The following MAGI1 variants were observed in gnomAD, a reference collection of about 807,000 sequenced individuals.
The protein encoded by MAGI1 is membrane-associated guanylate kinase, WW and PDZ domain-containing protein 1.
In MAGI1, 58 loss-of-function variants were observed where a neutral mutation model predicts 139.9. The observed-to-expected ratio is 0.41, with a 90% CI of 0.34 to 0.52. The LOEUF is 0.52. MAGI1 is among the 20% of genes least tolerant of loss of function. The pLI is 0.12. For missense variants in MAGI1, 1,874 were observed against 1,901.6 expected, an observed-to-expected ratio of 0.99 and a Z score of 0.27; for synonymous variants, 812 against 737.9, an observed-to-expected ratio of 1.10 and a Z score of -1.63.
Position 65,355,977 on chromosome 3 carries a change from AAATT to A in MAGI1, c.*397_*400del, listed in dbSNP as rs1374805150. On this transcript the variant is annotated 3_prime_UTR_variant, in exon 23 of 23. Coordinates refer to ENST00000402939, the MANE Select transcript of MAGI1 (RefSeq NM_001033057.2). ...ACATCACTACATGACAGTCTATATCAAATTAATTAAACTTAATCAATAAATTCCC... is the reference window on the plus strand; with the variant it reads ...ACATCACTACATGACAGTCTATATCAAATTAAACTTAATCAATAAATTCCC... The A allele has an allele frequency of 1.9e-5, 3 of 159,734 alleles. No individual in the cohort carries two copies. The highest frequency in any genetic ancestry group is 6.3e-5 in the Admixed American group (1 of 15,778). 9.9% of individuals were successfully genotyped at this position (159,734 alleles called of 1,614,324 possible).
intron 2 of MAGI1, among the ~76,000 whole-genome samples, chr3:65,494,733 C>T (rs1952301533): frequency 6.6e-6 from 1 of 152,210 alleles, no homozygotes; most frequent in Non-Finnish European, 1.5e-5. Context: ...CCTAGTGGCG[C>T]TGAAGTTCTT....
At chr3:65,408,145 T>C (rs1945505108) in intron 12 of MAGI1, among the ~76,000 whole-genome samples, 2 of 152,318 alleles carry the variant, frequency 1.3e-5, no homozygotes, top group South Asian at 4.1e-4. Flanking sequence ...TTAAGTTAAA[T>C]CATCCTTGTC....
At chr3:65,857,234 G>T (rs1178897457) in intron 1 of MAGI1, among the ~76,000 whole-genome samples, 1 of 152,164 alleles carries the variant, frequency 6.6e-6, no homozygotes, top group Non-Finnish European at 1.5e-5. Flanking sequence ...GTTTCCTGGA[G>T]AAAAGAAACA....
chr3:65,394,586 A>G (rs976466997), intron 13 of MAGI1, among the ~76,000 whole-genome samples: 6 of 152,054 alleles, frequency 3.9e-5, no homozygotes, highest in African/African-American at 1.4e-4. Flanking sequence ...AATTATGAAA[A>G]CTCATTAATT....
chr3:65,516,676 T>A (rs940336965), intron 2 of MAGI1, among the ~76,000 whole-genome samples: 3 of 147,920 alleles, frequency 2.0e-5, no homozygotes, highest in Non-Finnish European at 4.5e-5. Flanking sequence ...TAAGCCCACT[T>A]TTCAAATGAG....
chr3:65,682,035 C>T (rs1344358790), intron 1 of MAGI1, among the ~76,000 whole-genome samples: 1 of 152,184 alleles, frequency 6.6e-6, no homozygotes, highest in East Asian at 1.9e-4. Context: ...AAAATAACAT[C>T]ATTCACATCC....
chr3:65,970,496 G>T (rs2064969523), intron 1 of MAGI1, among the ~76,000 whole-genome samples: 1 of 148,420 alleles, frequency 6.7e-6, no homozygotes, highest in African/African-American at 2.5e-5. Context: ...GGTAAATTTT[G>T]TGTCAGGTAT....
intron 2 of MAGI1, among the ~76,000 whole-genome samples, chr3:65,607,943 A>T (rs2082837424): frequency 6.6e-6 from 1 of 152,244 alleles, no homozygotes; most frequent in Non-Finnish European, 1.5e-5. Context: ...TAATTTAAGA[A>T]TAGGTTTAAA....
At chr3:65,473,770 C>A (rs942109892) in intron 4 of MAGI1, among the ~76,000 whole-genome samples, 5 of 150,844 alleles carry the variant, frequency 3.3e-5, no homozygotes, top group Non-Finnish European at 7.4e-5. Context: ...CCTTCAGCAA[C>A]GAGATCTTAC....
intron 1 of MAGI1, among the ~76,000 whole-genome samples, chr3:65,866,219 C>CTT (rs11371904): frequency 7.5e-5 from 8 of 106,290 alleles, no homozygotes; most frequent in African/African-American, 3.0e-4. Flanking sequence ...CAATTTTTTT[C>CTT]TTTTTTTTTT....
At position 65,387,033 on chromosome 3, in the gene MAGI1, C is replaced by T. The variant is rs1036635519; in HGVS notation, c.2417-3410G>A. On this transcript the variant is annotated intron_variant, in intron 14 of 22. Transcript: ENST00000402939. ...CTCCAAAGCACTTCCCTTCATGCCC[C>T]TTTTTTCTTCCCTCTCTTTTCTGAA... 6.4e-6 allele frequency: 6 copies of T among 938,900 alleles called. No individual in the cohort carries two copies. In the African/African-American group the frequency reaches 8.2e-5, roughly 13 times the overall value. The allele number at this position is 938,900 out of a possible 1,614,324, so 58.2% of individuals were successfully genotyped here.
intron 1 of MAGI1, among the ~76,000 whole-genome samples, chr3:65,649,104 T>C (rs1171315945): frequency 6.6e-6 from 1 of 152,042 alleles, no homozygotes; most frequent in Non-Finnish European, 1.5e-5. Context: ...GTGTGAAAAA[T>C]GAAGTACACC....
chr3:65,630,855 C>T (rs1374311033), intron 1 of MAGI1, among the ~76,000 whole-genome samples: 4 of 152,192 alleles, frequency 2.6e-5, no homozygotes, highest in Non-Finnish European at 5.9e-5. Flanking sequence ...CCAAACACTA[C>T]TGAAATTTTT....
intron 1 of MAGI1, among the ~76,000 whole-genome samples, chr3:66,027,400 C>T (rs1442983431): frequency 6.6e-6 from 1 of 152,150 alleles, no homozygotes. Flanking sequence ...GACTCCTTGG[C>T]TCAAGCAATC....
intron 1 of MAGI1, among the ~76,000 whole-genome samples, chr3:65,885,255 G>A (rs866097793): frequency 8.6e-5 from 13 of 151,908 alleles, no homozygotes; most frequent in African/African-American, 1.9e-4. Context: ...AAATTAGCCC[G>A]GTGTGGTGGT....
chr3:65,794,844 G>GA lies in MAGI1; in HGVS notation c.314-172757dup, dbSNP rs10581418. 3.6e-3 allele frequency among the ~76,000 whole-genome samples: 470 copies of GA among 131,756 alleles called. 1 individual carries two copies. The highest frequency in any genetic ancestry group is 9.0e-3 in the South Asian group (38 of 4,224). 86.4% of individuals were successfully genotyped at this position (131,756 alleles called of 152,430 possible). On this transcript the variant is annotated intron_variant, in intron 1 of 22. Coordinates refer to ENST00000402939, the MANE Select transcript of MAGI1 (RefSeq NM_001033057.2). ...ACACAACAAAACAAACCCTCATCAG[G>GA]AAAAAAAAAAAAAAAACCCACAAAC...
At chr3:65,771,480 T>C (rs1397545885) in intron 1 of MAGI1, among the ~76,000 whole-genome samples, 1 of 152,196 alleles carries the variant, frequency 6.6e-6, no homozygotes, top group Non-Finnish European at 1.5e-5. Context: ...GATATTTTAT[T>C]TCATCATAAA....
At chr3:66,025,366 C>G (rs1320801459) in intron 1 of MAGI1, among the ~76,000 whole-genome samples, 2 of 143,816 alleles carry the variant, frequency 1.4e-5, no homozygotes, top group Admixed American at 1.4e-4. Flanking sequence ...CAGTGAAACC[C>G]TGTCTCTACC....
At chr3:66,004,890 C>T (rs1463793030) in intron 1 of MAGI1, among the ~76,000 whole-genome samples, 1 of 152,126 alleles carries the variant, frequency 6.6e-6, no homozygotes, top group Non-Finnish European at 1.5e-5. Context: ...GCCTTTGAAG[C>T]CATGATTACA....
Sources: allele counts gnomAD v4.1 joint callset (sites outside exome capture counted in the v4.1 genomes callset), GRCh38; gene constraint gnomAD v4.1.1; transcripts MANE v1.5; gene names NCBI Gene and HGNC (gene_info 2026-07-23, HGNC 2026-07-21).